SHISAL2A: variants seen among roughly 807,000 people sequenced by gnomAD.
The protein encoded by SHISAL2A is protein shisa-like-2A.
Under a neutral mutation model 11.5 loss-of-function variants are expected in SHISAL2A, and 18 were observed. That is an observed-to-expected ratio of 1.57 (90% CI 1.08 to 2.33). The LOEUF (loss-of-function observed/expected upper bound fraction) is 2.33. Ranked by LOEUF, SHISAL2A falls within the 30% of genes most tolerant of loss-of-function variation. SHISAL2A has a pLI of 0.00. For synonymous variants in SHISAL2A, 94 were observed against 99.6 expected (o/e 0.94, Z 0.34); for missense variants, 261 against 250.9 (o/e 1.04, Z -0.27).
intron 1 of SHISAL2A, among the ~76,000 whole-genome samples, chr1:52,639,407 C>G (rs1436176979): frequency 1.3e-5 from 2 of 152,100 alleles, no homozygotes; most frequent in Non-Finnish European, 2.9e-5. Context: ...GTGTCCTGCT[C>G]TTTTCAATTA....
At chr1:52,639,536 G>T (rs1408874448) in intron 1 of SHISAL2A, among the ~76,000 whole-genome samples, 1 of 152,092 alleles carries the variant, frequency 6.6e-6, no homozygotes, top group Non-Finnish European at 1.5e-5. Context: ...GGCGGATCAC[G>T]AGGTCAGGAG....
At chr1:52,656,659 T>C in intron 2 of SHISAL2A, 131 bp from the exon 3 acceptor site, 1 of 972,092 alleles carries the variant, frequency 1.0e-6, no homozygotes, top group Non-Finnish European at 1.6e-6. Flanking sequence ...TAAATACATG[T>C]TAAACAAATG....
intron 1 of SHISAL2A, among the ~76,000 whole-genome samples, chr1:52,641,991 C>T (rs1691376694): frequency 6.6e-6 from 1 of 152,054 alleles, no homozygotes; most frequent in Non-Finnish European, 1.5e-5. Context: ...GTGGTCCCAG[C>T]CATTTGGGAG....
At chr1:52,647,406 C>A (rs1691524515) in intron 2 of SHISAL2A, among the ~76,000 whole-genome samples, 1 of 152,062 alleles carries the variant, frequency 6.6e-6, no homozygotes, top group East Asian at 1.9e-4. Flanking sequence ...TAATGAGAAT[C>A]AACTGTATAT....
At chr1:52,649,967 C>T (rs1334150809) in intron 2 of SHISAL2A, among the ~76,000 whole-genome samples, 1 of 152,036 alleles carries the variant, frequency 6.6e-6, no homozygotes, top group Non-Finnish European at 1.5e-5. Context: ...CAGCTGAGGC[C>T]CAGAGAGAGG....
intron 4 of SHISAL2A, among the ~76,000 whole-genome samples, chr1:52,663,077 T>C (rs1197037776): frequency 6.6e-6 from 1 of 152,222 alleles, no homozygotes; most frequent in Non-Finnish European, 1.5e-5. Flanking sequence ...TCCTGGCTGC[T>C]GTAGGTTACC....
At chr1:52,654,258 TAGAC>T (rs1266377968) in intron 2 of SHISAL2A, among the ~76,000 whole-genome samples, 3 of 151,024 alleles carry the variant, frequency 2.0e-5, no homozygotes, top group African/African-American at 2.4e-5. Context: ...GATAGATAGA[TAGAC>T]AGATAGATAG....
upstream of SHISAL2A, among the ~76,000 whole-genome samples, chr1:52,632,806 G>T (rs1691153558): frequency 6.6e-6 from 1 of 152,172 alleles, no homozygotes; most frequent in South Asian, 2.1e-4. Flanking sequence ...CTACTAGGCC[G>T]CCCCCGGTTA....
chr1:52,656,735 T>A (rs1691797081), intron 2 of SHISAL2A, 55 bp from the exon 3 acceptor site: 2 of 1,549,582 alleles, frequency 1.3e-6, no homozygotes, highest in East Asian at 4.5e-5. Flanking sequence ...AGCTGGGGAG[T>A]GTGATCCTGT....
At chr1:52,657,315 G>A (rs1691812209), downstream of SHISAL2A, among the ~76,000 whole-genome samples, 1 of 152,134 alleles carries the variant, frequency 6.6e-6, no homozygotes, top group African/African-American at 2.4e-5. Context: ...TCACCCAACT[G>A]GGAAGTCAGA....
In SHISAL2A at chr1:52,639,657, G is replaced by A. The variant is rs192199445; in HGVS notation, c.183-3206G>A. On this transcript the variant is annotated intron_variant, in intron 1 of 2. Transcript: ENST00000517870. ...AGTCCCAGCTACTCGGGAGGCTGAGGCAGGAGAATGGCATGAACCTGGGAG... is the reference window on the plus strand; with the variant it reads ...AGTCCCAGCTACTCGGGAGGCTGAGACAGGAGAATGGCATGAACCTGGGAG... 3.2e-3 allele frequency among the ~76,000 whole-genome samples: 483 copies of A among 152,250 alleles called. 4 individuals carry two copies. The highest frequency in any genetic ancestry group is 0.011 in the African/African-American group (464 of 41,574).
chr1:52,654,455 C>T (rs1600659), intron 2 of SHISAL2A, among the ~76,000 whole-genome samples: 2,819 of 152,210 alleles, frequency 0.019, 82 homozygotes, highest in African/African-American at 0.065. Flanking sequence ...GAGGGACAGA[C>T]ACATGCATAG....
chr1:52,654,246 T>TAGATAGAC (rs1553252779), intron 2 of SHISAL2A, among the ~76,000 whole-genome samples: 2 of 151,142 alleles, frequency 1.3e-5, no homozygotes, highest in African/African-American at 4.9e-5. Context: ...GATAGATAGA[T>TAGATAGAC]AGATAGATAG....
intron 2 of SHISAL2A, among the ~76,000 whole-genome samples, chr1:52,645,716 A>G (rs973606758): frequency 2.0e-5 from 3 of 152,162 alleles, no homozygotes; most frequent in African/African-American, 7.2e-5. Flanking sequence ...GCTGGTTTCA[A>G]CTTTTATAGA....
rs80117993 is a variant in SHISAL2A at position 52,650,351 on chromosome 1, C to T, written c.323-6439C>T. Reference sequence around the variant, plus strand: ...CTTGGAGAAAGGAGGGAAGGCACAGCGCTGGGCAGAGATGCCAGAAAACCT... The same window carrying T: ...CTTGGAGAAAGGAGGGAAGGCACAGTGCTGGGCAGAGATGCCAGAAAACCT... On this transcript the variant is annotated intron_variant, in intron 2 of 2. Transcript: ENST00000517870. Among the ~76,000 whole-genome samples, 708 of 152,262 alleles carry T rather than the reference C, an allele frequency of 4.6e-3. 5 individuals carry two copies. Among genetic ancestry groups the T allele is most frequent in the Non-Finnish European group, 6.1e-3 (417 of 68,022 alleles).
At chr1:52,647,782 C>T (rs2448793) in intron 2 of SHISAL2A, among the ~76,000 whole-genome samples, 139,937 of 151,508 alleles carry the variant, frequency 0.92, 64,768 homozygotes, top group East Asian at 1. Context: ...GAGGTGGAGA[C>T]TGCAGTGAGC....
At chr1:52,668,631 G>A (rs999267232) in exon 6 of SHISAL2A, 1 of 152,204 alleles carries the variant, frequency 6.6e-6, no homozygotes, top group African/African-American at 2.4e-5. Flanking sequence ...TGAGTGTATG[G>A]AGCAAAGGAG....
At chr1:52,656,602 A>G (rs1371687847) in intron 2 of SHISAL2A, among the ~76,000 whole-genome samples, 188 bp from the exon 3 acceptor site, 23 of 152,224 alleles carry the variant, frequency 1.5e-4, no homozygotes, top group Admixed American at 1.5e-3. Context: ...CTACAAGTTC[A>G]TGAGCAACAC....
At chr1:52,633,027 C>T (rs1274493715), upstream of SHISAL2A, among the ~76,000 whole-genome samples, 3 of 152,100 alleles carry the variant, frequency 2.0e-5, no homozygotes, top group African/African-American at 7.2e-5. This position sits in a 1 kb window ranked among gnomAD's most constrained non-coding sequence, Gnocchi z 6.4. Flanking sequence ...CTCCCGGCGC[C>T]GGCTCGGTGC....
Sources: allele counts gnomAD v4.1 joint callset (sites outside exome capture counted in the v4.1 genomes callset), GRCh38; gene constraint gnomAD v4.1.1; non-coding constraint Gnocchi (gnomAD v3.1); transcripts MANE v1.5; gene names NCBI Gene and HGNC (gene_info 2026-07-23, HGNC 2026-07-21).